XCR1: variants seen among roughly 807,000 people sequenced by gnomAD.
The protein encoded by XCR1 is chemokine XC receptor 1.
For synonymous variants in XCR1, 187 were observed against 188.5 expected (o/e 0.99, Z 0.06); for missense variants, 356 against 424.2 (o/e 0.84, Z 1.41).
chr3:46,080,812 T>C (rs1698348880), intron 1 of XCR1, among the ~76,000 whole-genome samples: 1 of 152,354 alleles, frequency 6.6e-6, no homozygotes, highest in African/African-American at 2.4e-5. Context: ...AAACGACAGC[T>C]TGGGGAAAGC....
At chr3:46,023,293 T>C (rs1708203744) in intron 1 of XCR1, 1 of 807,716 alleles carries the variant, frequency 1.2e-6, no homozygotes. Flanking sequence ...GCTGCTGCTG[T>C]CTATGGAAGT....
chr3:46,074,223 T>TTTTTTTTTTTC (rs1393793042), intron 3 of XCR1, among the ~76,000 whole-genome samples: 100 of 117,996 alleles, frequency 8.5e-4, no homozygotes, highest in Middle Eastern at 4.4e-3. Context: ...TCTTTTTTTT[T>TTTTTTTTTTTC]TTTTTTTTTT....
At chr3:46,039,217 T>A (rs796941532) in intron 5 of XCR1, among the ~76,000 whole-genome samples, 1 of 142,188 alleles carries the variant, frequency 7.0e-6, no homozygotes, top group African/African-American at 2.5e-5. Context: ...TTTACTTTGT[T>A]CTTGTTTTGT....
intron 4 of XCR1, among the ~76,000 whole-genome samples, chr3:46,065,741 G>T (rs1259890436): frequency 6.6e-6 from 1 of 152,208 alleles, no homozygotes; most frequent in Non-Finnish European, 1.5e-5. Flanking sequence ...AATCACCAGG[G>T]CTGTGAGGAG....
At chr3:46,085,247 C>T (rs560138956) in intron 1 of XCR1, among the ~76,000 whole-genome samples, 7 of 149,016 alleles carry the variant, frequency 4.7e-5, no homozygotes, top group African/African-American at 1.5e-4. Flanking sequence ...ACCGCAAACA[C>T]AACTCATCAC....
rs867710070 is a variant in XCR1 at position 46,043,059 on chromosome 3, T to C, written c.-32+10861A>G. Among the ~76,000 whole-genome samples the C allele has an allele frequency of 7.9e-5, 12 of 152,278 alleles. No homozygotes were observed. In the South Asian group the frequency reaches 1.2e-3, roughly 16 times the overall value. ...TGTAATGCATCACTTTAATAGAATA[T>C]AAGGATAAAATCATGTGATCATCTC... On this transcript the variant is annotated intron_variant, in intron 5 of 5. Coordinates refer to the XCR1 transcript ENST00000683768.
chr3:46,026,405 C>T (rs1363149280), intron 1 of XCR1, among the ~76,000 whole-genome samples: 1 of 152,098 alleles, frequency 6.6e-6, no homozygotes, highest in Non-Finnish European at 1.5e-5. Context: ...GCTTTCTGGA[C>T]TGTAATATAA....
chr3:46,028,201 C>T (rs992590310), upstream of XCR1, among the ~76,000 whole-genome samples: 3 of 152,062 alleles, frequency 2.0e-5, no homozygotes, highest in South Asian at 2.1e-4. Context: ...TTTTCTTGGT[C>T]GTGGGACAAG....
chr3:46,061,771 T>TG (rs1451280001), intron 4 of XCR1, among the ~76,000 whole-genome samples: 1 of 151,978 alleles, frequency 6.6e-6, no homozygotes, highest in East Asian at 1.9e-4. Context: ...GAAGGAGTCA[T>TG]GGGGGTGCCA....
intron 5 of XCR1, among the ~76,000 whole-genome samples, chr3:46,038,803 C>T (rs1299708954): frequency 6.6e-6 from 1 of 152,090 alleles, no homozygotes; most frequent in Non-Finnish European, 1.5e-5. Flanking sequence ...CAAGGTAATT[C>T]AATTCAATCA....
At chr3:46,067,704 T>C (rs958789392) in intron 3 of XCR1, among the ~76,000 whole-genome samples, 2 of 152,192 alleles carry the variant, frequency 1.3e-5, no homozygotes, top group Non-Finnish European at 2.9e-5. Context: ...GGGGACCATA[T>C]TTCAAAACTG....
At chr3:46,023,556 G>A in intron 1 of XCR1, 1 of 1,510,584 alleles carries the variant, frequency 6.6e-7, no homozygotes, top group Non-Finnish European at 9.2e-7. Context: ...TGAAAGCCTA[G>A]CAGAACACAG....
At chr3:46,077,220 A>T (rs892064845) in intron 1 of XCR1, among the ~76,000 whole-genome samples, 4 of 152,196 alleles carry the variant, frequency 2.6e-5, no homozygotes, top group African/African-American at 9.6e-5. Flanking sequence ...AGCAGTGGGC[A>T]GGCAAGTGAG....
At chr3:46,054,866 A>G (rs528023700) in intron 4 of XCR1, among the ~76,000 whole-genome samples, 46 of 152,342 alleles carry the variant, frequency 3.0e-4, no homozygotes, top group Middle Eastern at 6.8e-3. Flanking sequence ...AAGCATTGCC[A>G]CCTGAATAAG....
intron 3 of XCR1, among the ~76,000 whole-genome samples, chr3:46,071,062 A>G (rs373675492): frequency 2.0e-5 from 3 of 152,190 alleles, no homozygotes; most frequent in East Asian, 3.8e-4. Flanking sequence ...ATCCAAATAA[A>G]CATACTCAGA....
intron 3 of XCR1, among the ~76,000 whole-genome samples, chr3:46,070,831 T>C (rs1698151598): frequency 6.6e-6 from 1 of 152,152 alleles, no homozygotes; most frequent in East Asian, 1.9e-4. Flanking sequence ...CTAGTTGTTT[T>C]ATCAATTCTT....
chr3:46,073,698 G>C (rs1228185201), intron 3 of XCR1, among the ~76,000 whole-genome samples: 2 of 149,722 alleles, frequency 1.3e-5, no homozygotes, highest in South Asian at 2.1e-4. Context: ...CTAATATCCA[G>C]AATTTACAAG....
At chr3:46,063,183 A>G (rs1226552374) in intron 4 of XCR1, among the ~76,000 whole-genome samples, 1 of 152,190 alleles carries the variant, frequency 6.6e-6, no homozygotes, top group African/African-American at 2.4e-5. Flanking sequence ...AATTGATGAC[A>G]ATTCAAGGAA....
chr3:46,043,492 C>T (rs933187329), intron 5 of XCR1, among the ~76,000 whole-genome samples: 6 of 151,906 alleles, frequency 3.9e-5, no homozygotes, highest in Admixed American at 3.9e-4. Context: ...AATACTTCAA[C>T]ATGATAAAGT....
Sources: allele counts gnomAD v4.1 joint callset (sites outside exome capture counted in the v4.1 genomes callset), GRCh38; gene constraint gnomAD v4.1.1; transcripts MANE v1.5; gene names NCBI Gene and HGNC (gene_info 2026-07-23, HGNC 2026-07-21).